Variants in GDF6 observed in about 807,000 individuals in gnomAD.
GDF6 encodes growth/differentiation factor 6.
GDF6 carries 3 observed loss-of-function variants against 32.4 expected under a neutral mutation model. The observed-to-expected ratio is 0.09, with a 90% CI of 0.04 to 0.24. The LOEUF (loss-of-function observed/expected upper bound fraction) is 0.24, where lower values mean the gene tolerates loss of function less well. GDF6 is among the 10% of genes least tolerant of loss of function. The pLI, the probability that GDF6 is intolerant of heterozygous loss-of-function variation, is 1.00. For missense variants in GDF6, 589 were observed against 637.9 expected, an observed-to-expected ratio of 0.92 and a Z score of 0.83; for synonymous variants, 296 against 295.3, an observed-to-expected ratio of 1.00 and a Z score of -0.03.
At position 96,156,385 on chromosome 8, in the gene GDF6, T is replaced by TCTCTCTCTCTCTTTCC. The variant is rs1195939649; in HGVS notation, c.406+3901_406+3902insGGAAAGAGAGAGAGAG. On this transcript the variant is annotated intron_variant, in intron 1 of 1. Transcript: ENST00000287020. ...TTCTCTCTCTCTCTTTCCCTCTCTC[T>TCTCTCTCTCTCTTTCC]CTCTCTCTCTCTCTCTCTCTTTCCC... Among the ~76,000 whole-genome samples the TCTCTCTCTCTCTTTCC allele has an allele frequency of 9.3e-5, 5 of 53,924 alleles. No homozygotes were observed. The East Asian group carries it at 1.2e-3, about 13-fold the overall frequency. The allele number at this position is 53,924 out of a possible 152,430, so 35.4% of individuals were successfully genotyped here. A position where few individuals can be genotyped will look rare whatever the true frequency, so the allele number is the denominator to read the frequency against.
chr8:96,145,360 A>T lies in GDF6; in HGVS notation c.571T>A (p.Cys191Ser). ...AGPLHVQLFP[C>S]LSPLLLDART... ...GCGTCCAGCAGTAGGGGCGAAAGGCAAGGGAAGAGCTGCACGTGGAGCGGC... is the reference window on the plus strand; with the variant it reads ...GCGTCCAGCAGTAGGGGCGAAAGGCTAGGGAAGAGCTGCACGTGGAGCGGC... The change falls in exon 2 of 2, where the codon TGC becomes AGC. Residue 191 changes from cysteine (C) to serine (S), a missense_variant. Physicochemically the swap from Cys to Ser is moderately radical, Grantham distance 112. Around this residue, in one of 2 missense-constraint regions of GDF6, gnomAD observed 436 missense variants for 411.2 expected, o/e 1.06. Transcript: ENST00000287020. This position sits in a 1 kb window ranked among gnomAD's most constrained non-coding sequence, Gnocchi z 5.6. 6.4e-7 allele frequency: 1 copy of T among 1,556,854 alleles called. No homozygotes were observed. Among genetic ancestry groups the T allele is most frequent in the Non-Finnish European group, 8.6e-7 (1 of 1,158,372 alleles).
At chr8:96,146,699 C>G (rs1246856290) in intron 1 of GDF6, among the ~76,000 whole-genome samples, 5 of 127,690 alleles carry the variant, frequency 3.9e-5, no homozygotes, top group African/African-American at 1.7e-4. Context: ...CACACACACA[C>G]ACACACACAG....
rs1812741975 is a variant in GDF6, at chr8:96,160,494, G to A, written c.199C>T (p.Pro67Ser). 1.9e-6 allele frequency: 3 copies of A among 1,612,850 alleles called. No homozygotes were observed. Among genetic ancestry groups the A allele is most frequent in the East Asian group, 2.2e-5 (1 of 44,862 alleles). Residue 67 changes from proline (P) to serine (S), a missense_variant, in exon 1 of 2, where the codon CCA becomes TCA. By Grantham distance (74) the Pro-to-Ser change is moderately conservative. Transcript: ENST00000287020. Reference sequence around the variant, plus strand: ...GGTTCGTCCTGAGGCCGCGGCTGTGGTTCCTGGCCCTCCCGGCCCGCGTCA... The same window carrying A: ...GGTTCGTCCTGAGGCCGCGGCTGTGATTCCTGGCCCTCCCGGCCCGCGTCA... ...DSDAGREGQE[P>S]QPRPQDEPRA...
chr8:96,151,026 G>A (rs537773742), intron 1 of GDF6, among the ~76,000 whole-genome samples: 4 of 152,198 alleles, frequency 2.6e-5, no homozygotes, highest in African/African-American at 9.7e-5. Context: ...CCTCCTCCTG[G>A]AGTGTGAAGG....
At chr8:96,149,201 T>C (rs1211111199) in intron 1 of GDF6, among the ~76,000 whole-genome samples, 1 of 152,240 alleles carries the variant, frequency 6.6e-6, no homozygotes, top group Non-Finnish European at 1.5e-5. Context: ...ACTTGTCACT[T>C]GAAAATCTGT....
chr8:96,158,375 T>C (rs898459974), intron 1 of GDF6, among the ~76,000 whole-genome samples: 2 of 152,136 alleles, frequency 1.3e-5, no homozygotes, highest in African/African-American at 4.8e-5. Flanking sequence ...CTACGCCGGA[T>C]TGGGGCCCCC....
chr8:96,152,968 C>A (rs1812593256), intron 1 of GDF6, among the ~76,000 whole-genome samples: 1 of 152,144 alleles, frequency 6.6e-6, no homozygotes, highest in Non-Finnish European at 1.5e-5. Flanking sequence ...CAAGGTGAGG[C>A]AAATGAATGA....
intron 1 of GDF6, among the ~76,000 whole-genome samples, chr8:96,158,578 A>G (rs1812710015): frequency 6.6e-6 from 1 of 152,192 alleles, no homozygotes; most frequent in Non-Finnish European, 1.5e-5. Flanking sequence ...ACCGCCGGCC[A>G]GCCTAGGCCT....
intron 1 of GDF6, among the ~76,000 whole-genome samples, chr8:96,151,948 G>T (rs993384454): frequency 6.6e-6 from 1 of 152,158 alleles, no homozygotes; most frequent in African/African-American, 2.4e-5. Flanking sequence ...GTACCTCAGG[G>T]ATGTGCATAG....
intron 1 of GDF6, among the ~76,000 whole-genome samples, chr8:96,159,932 A>C (rs1812731491): frequency 6.6e-6 from 1 of 152,156 alleles, no homozygotes; most frequent in Non-Finnish European, 1.5e-5. Flanking sequence ...CGATTCCATC[A>C]GTCCCCATCC....
chr8:96,150,521 T>A (rs1450815978), intron 1 of GDF6, among the ~76,000 whole-genome samples: 1 of 152,246 alleles, frequency 6.6e-6, no homozygotes, highest in Non-Finnish European at 1.5e-5. Flanking sequence ...TGATGGCCTC[T>A]CTCACTGAAT....
At position 96,144,288 on chromosome 8, in the gene GDF6, GA is replaced by G. The variant is rs1812426840; in HGVS notation, c.*274del. 7 of 465,808 alleles carry G rather than the reference GA, an allele frequency of 1.5e-5. No individual in the cohort carries two copies. Among genetic ancestry groups the G allele is most frequent in the African/African-American group, 9.1e-5 (4 of 43,832 alleles). The allele number at this position is 465,808 out of a possible 1,614,324, so 28.9% of individuals were successfully genotyped here. ...AGAGAGAGAGAGAGAGAGAGAGAGA[GA>G]GAAAACAGAACAAAAGAAATCCTCC... On this transcript the variant is annotated 3_prime_UTR_variant, in exon 2 of 2. Transcript: ENST00000287020. The surrounding 1 kb of genome is among the most constrained non-coding windows in gnomAD (Gnocchi z 5.1).
intron 1 of GDF6, among the ~76,000 whole-genome samples, chr8:96,152,920 T>A (rs1222949868): frequency 6.6e-6 from 1 of 152,158 alleles, no homozygotes; most frequent in African/African-American, 2.4e-5. Flanking sequence ...CCTGGATCCC[T>A]GGGAGAAATC....
intron 1 of GDF6, among the ~76,000 whole-genome samples, chr8:96,157,668 G>A (rs572810000): frequency 9.0e-4 from 137 of 152,332 alleles, no homozygotes; most frequent in African/African-American, 3.2e-3. Flanking sequence ...GGTTGGCGCG[G>A]TTAAGAGCCC....
Position 96,145,612 on chromosome 8 carries a change from G to C in GDF6, c.407-88C>G. 1 of 1,532,086 alleles carries C rather than the reference G, an allele frequency of 6.5e-7. No homozygotes were observed. Among genetic ancestry groups the C allele is most frequent in the East Asian group, 2.3e-5 (1 of 44,276 alleles). The allele number at this position is 1,532,086 out of a possible 1,614,324, so 94.9% of individuals were successfully genotyped here. Reference sequence around the variant, plus strand: ...CGGCCGCCCCGGGAGGAAAAGGGCGGGGAGTGGGGGCAGGTCGGCCGGGCA... The same window carrying C: ...CGGCCGCCCCGGGAGGAAAAGGGCGCGGAGTGGGGGCAGGTCGGCCGGGCA... On this transcript the variant is annotated intron_variant, in intron 1 of 1. Coordinates refer to ENST00000287020, the MANE Select transcript of GDF6 (RefSeq NM_001001557.4). The surrounding 1 kb of genome is among the most constrained non-coding windows in gnomAD (Gnocchi z 5.6).
chr8:96,158,696 T>C (rs1018356869), intron 1 of GDF6, among the ~76,000 whole-genome samples: 1 of 152,194 alleles, frequency 6.6e-6, no homozygotes, highest in African/African-American at 2.4e-5. Flanking sequence ...CAGAGGACTT[T>C]GAGGGACAGA....
intron 1 of GDF6, among the ~76,000 whole-genome samples, chr8:96,153,236 T>C (rs1189625690): frequency 6.6e-6 from 1 of 152,202 alleles, no homozygotes; most frequent in African/African-American, 2.4e-5. Flanking sequence ...ACAAAGCAGT[T>C]TTCCTGAACT....
intron 1 of GDF6, among the ~76,000 whole-genome samples, chr8:96,150,734 A>G (rs1402720539): frequency 6.6e-6 from 1 of 152,274 alleles, no homozygotes; most frequent in Admixed American, 6.5e-5. Flanking sequence ...CTCTGACCCC[A>G]GTCCTGCAGC....
intron 1 of GDF6, 116 bp downstream of exon 1, chr8:96,160,171 A>G (rs2130237043): frequency 1.9e-6 from 2 of 1,071,122 alleles, no homozygotes; most frequent in East Asian, 2.4e-5. Flanking sequence ...TAAGAAAAGT[A>G]AAAAGGAAGT....
Sources: gnomAD v4.1 joint callset for allele counts (sites outside exome capture counted in the v4.1 genomes callset) on GRCh38, gnomAD v4.1.1 for gene constraint, gnomAD v4.1.1 regional missense constraint, Gnocchi (gnomAD v3.1) non-coding constraint, MANE v1.5 for transcripts, NCBI Gene and HGNC (gene_info 2026-07-23, HGNC 2026-07-21) for gene names.